GCH1: variants seen among roughly 807,000 people sequenced by gnomAD.
The protein encoded by GCH1 is GTP cyclohydrolase I.
A neutral mutation model predicts 25.9 loss-of-function variants in GCH1; 5 were observed. The ratio of observed to expected loss-of-function variants is 0.19; its 90% confidence interval spans 0.10 to 0.41. The LOEUF is 0.41. Among genes scored for constraint, GCH1 ranks in the 10% least tolerant of loss-of-function variants. The pLI is 1.00. For synonymous variants in GCH1, 159 were observed against 129.6 expected (o/e 1.23, Z -1.54); for missense variants, 261 against 336.5 (o/e 0.78, Z 1.75).
chr14:54,885,577 G>A (rs1167551161), intron 1 of GCH1: 1 of 393,878 alleles, frequency 2.5e-6, no homozygotes, highest in Non-Finnish European at 4.9e-6. Flanking sequence ...AATCCCTGAT[G>A]TCATCTGCCA....
At chr14:54,857,282 T>C (rs778826725) in intron 3 of GCH1, among the ~76,000 whole-genome samples, 1 of 152,238 alleles carries the variant, frequency 6.6e-6, no homozygotes, top group African/African-American at 2.4e-5. Flanking sequence ...TTATTTGAGA[T>C]CTTTTCCTTT....
intron 1 of GCH1, among the ~76,000 whole-genome samples, chr14:54,888,951 C>T (rs2040390237): frequency 6.6e-6 from 1 of 152,144 alleles, no homozygotes; most frequent in African/African-American, 2.4e-5. Flanking sequence ...TTATAAACAG[C>T]CCCAGCCCTC....
At chr14:54,889,032 G>A (rs760514825) in intron 1 of GCH1, among the ~76,000 whole-genome samples, 9 of 152,164 alleles carry the variant, frequency 5.9e-5, no homozygotes, top group Non-Finnish European at 8.8e-5. Flanking sequence ...GAAAGGACAC[G>A]CAGCATGGGA....
rs765670568 is a variant in GCH1 at position 54,845,851 on chromosome 14, A to C, written c.543T>G (p.Val181=). The C allele has an allele frequency of 8.5e-5, 134 of 1,578,766 alleles. No individual in the cohort carries two copies. The highest frequency in any genetic ancestry group is 1.1e-4 in the Non-Finnish European group (125 of 1,147,906). The part of the protein sequence containing the change: ...IVEIYSRRLQ[V]QERLTKQIAV... ...CAATTTGTTTTGTAAGGCGCTCCTG[A>C]ACTGTGGATGTGATAAGGAGCTCAG... Residue 181 remains valine (V), a splice_region_variant and synonymous_variant, in exon 5 of 6, where the codon GTT becomes GTG. Transcript: ENST00000491895.
intron 1 of GCH1, among the ~76,000 whole-genome samples, chr14:54,890,688 A>G (rs559077914): frequency 2.0e-5 from 3 of 152,342 alleles, no homozygotes; most frequent in African/African-American, 7.2e-5. Flanking sequence ...TGAAAACTCC[A>G]TTTAATTTTA....
At chr14:54,891,428 T>TA (rs60580123) in intron 1 of GCH1, among the ~76,000 whole-genome samples, 1 of 133,110 alleles carries the variant, frequency 7.5e-6, no homozygotes, top group Admixed American at 7.4e-5. Context: ...TTTTTTTTTT[T>TA]AAACAGAGTC....
At chr14:54,867,269 A>C (rs1016731358) in intron 1 of GCH1, among the ~76,000 whole-genome samples, 2 of 152,202 alleles carry the variant, frequency 1.3e-5, no homozygotes, top group African/African-American at 4.8e-5. Context: ...TGTTAAAGTC[A>C]GCCCTTCAAC....
At chr14:54,882,586 C>T (rs1429932020) in intron 1 of GCH1, among the ~76,000 whole-genome samples, 1 of 152,092 alleles carries the variant, frequency 6.6e-6, no homozygotes, top group Admixed American at 6.5e-5. Flanking sequence ...TTTTGTATAT[C>T]TTTCACAATC....
At position 54,892,459 on chromosome 14, in the gene GCH1, C is replaced by T. The variant is rs144926226; in HGVS notation, c.343+9862G>A. Among the ~76,000 whole-genome samples the T allele has an allele frequency of 9.5e-3, 1,439 of 152,222 alleles. 28 individuals are homozygous for T. The highest frequency in any genetic ancestry group is 0.033 in the African/African-American group (1,351 of 41,520). ...ATCCCAACACTTTGGGAGGCAGAAA[C>T]GGGCGGATCATCTGAGGTCAGGAGT... On this transcript the variant is annotated intron_variant, in intron 1 of 5. Transcript: ENST00000491895.
At chr14:54,890,822 G>C (rs956490623) in intron 1 of GCH1, among the ~76,000 whole-genome samples, 1 of 152,134 alleles carries the variant, frequency 6.6e-6, no homozygotes, top group Admixed American at 6.5e-5. Flanking sequence ...AACTCAAAAT[G>C]AATTTCCTTC....
chr14:54,860,538 CTTTTTTTTTTTT>C (rs869140517), intron 2 of GCH1, among the ~76,000 whole-genome samples: 4 of 134,204 alleles, frequency 3.0e-5, no homozygotes, highest in Non-Finnish European at 6.4e-5. Flanking sequence ...CACCATCTTC[CTTTTTTTTTTTT>C]TTTTTTTTGA....
rs749552821 is a variant in GCH1, at chr14:54,842,750, G to A, written c.*1267C>T. 3.3e-5 allele frequency: 12 copies of A among 362,544 alleles called. No individual in the cohort carries two copies. The highest frequency in any genetic ancestry group is 1.9e-4 in the African/African-American group (9 of 47,830). The allele number at this position is 362,544 out of a possible 1,614,324, so 22.5% of individuals were successfully genotyped here. A position where few individuals can be genotyped will look rare whatever the true frequency, so the allele number is the denominator to read the frequency against. ...GAATAACTGTGTTTGTGTTTCTGTG[G>A]AGGAGTTGCGGTTTTGTTTGTTTTA... On this transcript the variant is annotated 3_prime_UTR_variant, in exon 6 of 6. Coordinates refer to ENST00000491895, the MANE Select transcript of GCH1 (RefSeq NM_000161.3).
At chr14:54,853,054 C>A in intron 3 of GCH1, among the ~76,000 whole-genome samples, 1 of 152,198 alleles carries the variant, frequency 6.6e-6, no homozygotes, top group Admixed American at 6.5e-5. Context: ...ACCTCTACCT[C>A]CCGGGTTCAA....
At chr14:54,870,315 TAGCCA>T (rs2040051582) in intron 1 of GCH1, among the ~76,000 whole-genome samples, 1 of 112,758 alleles carries the variant, frequency 8.9e-6, no homozygotes, top group Admixed American at 1.3e-4. Context: ...CTGCCCAACC[TAGCCA>T]GACTCTGTTT....
At chr14:54,888,606 G>A (rs538025547) in intron 1 of GCH1, among the ~76,000 whole-genome samples, 4 of 151,346 alleles carry the variant, frequency 2.6e-5, no homozygotes, top group Non-Finnish European at 4.4e-5. Context: ...TCTGCCTCCC[G>A]GGTTCACACC....
rs148090384 is a variant in GCH1, at chr14:54,844,818, C to T, written c.627-675G>A. 5.9e-5 allele frequency among the ~76,000 whole-genome samples: 9 copies of T among 152,284 alleles called. 1 individual carries two copies. The South Asian group carries it at 6.2e-4, about 11-fold the overall frequency. ...TGTGTGACAAAATATTAGAAAAACT[C>T]GGCTTGGAGCAACAGAGAGCTAAAG... On this transcript the variant is annotated intron_variant, in intron 5 of 5. Coordinates refer to ENST00000491895, the MANE Select transcript of GCH1 (RefSeq NM_000161.3).
chr14:54,856,785 A>G (rs1338646104), intron 3 of GCH1, among the ~76,000 whole-genome samples: 1 of 152,172 alleles, frequency 6.6e-6, no homozygotes. Context: ...AAGAAAATGA[A>G]TACATGTTCA....
chr14:54,870,392 G>A (rs906041990), intron 1 of GCH1, among the ~76,000 whole-genome samples: 1 of 150,882 alleles, frequency 6.6e-6, no homozygotes, highest in Non-Finnish European at 1.5e-5. Flanking sequence ...GGCCGAATAG[G>A]GACAGCTCCA....
intron 1 of GCH1, chr14:54,885,867 C>T (rs747803638): frequency 5.6e-5 from 10 of 178,404 alleles, no homozygotes; most frequent in African/African-American, 9.6e-5. Context: ...CCATCCTGGG[C>T]GGCAGAGCTA....
Sources: gnomAD v4.1 joint callset for allele counts (sites outside exome capture counted in the v4.1 genomes callset) on GRCh38, gnomAD v4.1.1 for gene constraint, MANE v1.5 for transcripts, NCBI Gene and HGNC (gene_info 2026-07-23, HGNC 2026-07-21) for gene names.